The following PDE10A variants were observed in gnomAD, a reference collection of about 807,000 sequenced individuals.
The protein encoded by PDE10A is cAMP and cAMP-inhibited cGMP 3',5'-cyclic phosphodiesterase 10A.
In PDE10A, 39 loss-of-function variants were observed where a neutral mutation model predicts 97.7. The ratio of observed to expected loss-of-function variants is 0.40; its 90% CI spans 0.31 to 0.52. PDE10A has a LOEUF of 0.52. PDE10A is among the 20% of genes least tolerant of loss of function. The pLI, the probability that PDE10A is intolerant of heterozygous loss-of-function variation, is 0.56. For missense variants in PDE10A, 731 were observed against 1,047.8 expected (o/e 0.70, Z 4.17); for synonymous variants, 371 against 376.8 (o/e 0.98, Z 0.18).
intron 1 of PDE10A, among the ~76,000 whole-genome samples, chr6:165,768,018 AT>A (rs1349782395): frequency 3.3e-5 from 5 of 151,994 alleles, no homozygotes; most frequent in Non-Finnish European, 7.4e-5. Context: ...TTTGATTTGT[AT>A]TTCCGTAAAG....
intron 2 of PDE10A, among the ~76,000 whole-genome samples, chr6:165,537,346 A>G (rs1783151896): frequency 6.6e-6 from 1 of 152,028 alleles, no homozygotes; most frequent in Non-Finnish European, 1.5e-5. Context: ...GTTATATAGA[A>G]GGAATAAGAT....
chr6:165,386,817 AC>A (rs1470320401), intron 17 of PDE10A, among the ~76,000 whole-genome samples: 1 of 150,758 alleles, frequency 6.6e-6, no homozygotes, highest in East Asian at 2.0e-4. Context: ...TCTGGCTAAC[AC>A]AATGAAACCC....
chr6:165,710,550 T>C (rs544284512), intron 1 of PDE10A, among the ~76,000 whole-genome samples: 4 of 152,340 alleles, frequency 2.6e-5, no homozygotes, highest in Admixed American at 1.3e-4. Context: ...AAAAGCACTT[T>C]TCGTTTTGTA....
At chr6:165,432,017 C>G (rs1213334997) in intron 7 of PDE10A, among the ~76,000 whole-genome samples, 1 of 152,156 alleles carries the variant, frequency 6.6e-6, no homozygotes, top group Non-Finnish European at 1.5e-5. Context: ...CTCAAAATTA[C>G]TAGCTTTTCT....
At chr6:165,720,694 C>G (rs889749716) in intron 1 of PDE10A, among the ~76,000 whole-genome samples, 1 of 152,176 alleles carries the variant, frequency 6.6e-6, no homozygotes, top group African/African-American at 2.4e-5. Flanking sequence ...AAGCACATAT[C>G]CTTATGAGAG....
chr6:165,921,959 C>T (rs1782765149), intron 1 of PDE10A, among the ~76,000 whole-genome samples: 1 of 151,998 alleles, frequency 6.6e-6, no homozygotes, highest in African/African-American at 2.4e-5. Flanking sequence ...GCTGAGGGGC[C>T]AGTTGAGAGA....
intron 2 of PDE10A, among the ~76,000 whole-genome samples, chr6:165,538,106 C>T (rs1783203801): frequency 1.3e-5 from 2 of 151,898 alleles, no homozygotes; most frequent in South Asian, 4.1e-4. Context: ...TTTAGGTTAT[C>T]AAATAGTAGG....
intron 13 of PDE10A, among the ~76,000 whole-genome samples, chr6:165,398,221 A>G (rs1786329601): frequency 6.6e-6 from 1 of 152,168 alleles, no homozygotes; most frequent in South Asian, 2.1e-4. Context: ...TAAAGTTTGT[A>G]TTGGCTGTGG....
At chr6:165,898,482 T>C (rs929854305) in intron 1 of PDE10A, among the ~76,000 whole-genome samples, 6 of 151,698 alleles carry the variant, frequency 4.0e-5, no homozygotes, top group African/African-American at 1.5e-4. Context: ...AACCTGGAGA[T>C]TGGGGATCTC....
chr6:165,891,133 T>C (rs1421097069), intron 1 of PDE10A, among the ~76,000 whole-genome samples: 1 of 152,194 alleles, frequency 6.6e-6, no homozygotes, highest in Non-Finnish European at 1.5e-5. Context: ...CCTTAAAGGG[T>C]TGGAATTTCT....
At chr6:165,923,657 G>T (rs2128488896) in intron 1 of PDE10A, among the ~76,000 whole-genome samples, 1 of 152,298 alleles carries the variant, frequency 6.6e-6, no homozygotes, top group East Asian at 1.9e-4. Context: ...CCCATTGCTG[G>T]TTAGGATGCT....
intron 1 of PDE10A, among the ~76,000 whole-genome samples, chr6:165,843,631 C>A (rs922853045): frequency 3.3e-5 from 5 of 152,120 alleles, no homozygotes; most frequent in Non-Finnish European, 7.3e-5. Flanking sequence ...GAGGGCAGAG[C>A]CCCCATGCCT....
At chr6:165,883,764 G>C (rs1456225191) in intron 1 of PDE10A, among the ~76,000 whole-genome samples, 1 of 152,092 alleles carries the variant, frequency 6.6e-6, no homozygotes, top group Non-Finnish European at 1.5e-5. Context: ...TGTGATCCCA[G>C]CAATCCCAGC....
intron 1 of PDE10A, among the ~76,000 whole-genome samples, chr6:165,741,475 G>T (rs1792719192): frequency 6.6e-6 from 1 of 152,084 alleles, no homozygotes; most frequent in Non-Finnish European, 1.5e-5. Flanking sequence ...ACAAAGATCT[G>T]GATCATCCAA....
At chr6:165,558,109 T>C (rs1784348970) in intron 1 of PDE10A, among the ~76,000 whole-genome samples, 2 of 152,174 alleles carry the variant, frequency 1.3e-5, no homozygotes, top group African/African-American at 2.4e-5. Context: ...ACTGGTTATA[T>C]ACCCAAAGGA....
At chr6:165,790,024 C>T (rs761925821) in intron 1 of PDE10A, among the ~76,000 whole-genome samples, 17 of 152,148 alleles carry the variant, frequency 1.1e-4, no homozygotes, top group Non-Finnish European at 2.4e-4. Context: ...AATCTACTGG[C>T]AAAGAGGAAG....
intron 1 of PDE10A, among the ~76,000 whole-genome samples, chr6:165,832,836 G>T (rs1038729947): frequency 6.6e-6 from 1 of 152,138 alleles, no homozygotes; most frequent in Non-Finnish European, 1.5e-5. Flanking sequence ...GAGAAAACAC[G>T]GTCTTCACCC....
intron 1 of PDE10A, among the ~76,000 whole-genome samples, chr6:165,961,728 T>C (rs1049587079): frequency 9.9e-5 from 15 of 152,204 alleles, no homozygotes; most frequent in Non-Finnish European, 5.9e-5. Flanking sequence ...TCTCAGGCTT[T>C]TCAGAGCCCC....
intron 1 of PDE10A, among the ~76,000 whole-genome samples, chr6:165,729,403 T>C (rs1174381129): frequency 1.3e-5 from 2 of 152,168 alleles, no homozygotes; most frequent in Non-Finnish European, 2.9e-5. Context: ...GCAATCTTCT[T>C]AGACATGGAG....
Sources: allele counts gnomAD v4.1 joint callset (sites outside exome capture counted in the v4.1 genomes callset), GRCh38; gene constraint gnomAD v4.1.1; transcripts MANE v1.5; gene names NCBI Gene and HGNC (gene_info 2026-07-23, HGNC 2026-07-21).